PTPRK: variants seen among roughly 807,000 people sequenced by gnomAD.
The protein encoded by PTPRK is protein tyrosine phosphatase receptor type K.
A neutral mutation model predicts 178.0 loss-of-function variants in PTPRK; 75 were observed. The observed-to-expected ratio is 0.42, with a 90% CI of 0.35 to 0.51. PTPRK has a LOEUF of 0.51. Among genes scored for constraint, PTPRK ranks in the 20% least tolerant of loss-of-function variants. The probability of loss-of-function intolerance (pLI) is 0.02; values close to 1 mark genes in which losing one functional copy is unlikely to be tolerated. For missense variants in PTPRK, 1,441 were observed against 1,797.8 expected (o/e 0.80, Z 3.59); for synonymous variants, 637 against 620.6 (o/e 1.03, Z -0.39).
At chr6:128,398,557 A>G (rs1840638489) in intron 1 of PTPRK, among the ~76,000 whole-genome samples, 1 of 152,216 alleles carries the variant, frequency 6.6e-6, no homozygotes, top group Non-Finnish European at 1.5e-5. Flanking sequence ...TCTACAATGC[A>G]AGTTCAAGAA....
chr6:128,462,769 C>T (rs1267268470), intron 1 of PTPRK, among the ~76,000 whole-genome samples: 1 of 151,840 alleles, frequency 6.6e-6, no homozygotes, highest in Non-Finnish European at 1.5e-5. Context: ...GATTCTCCTG[C>T]CTCAGCCTCC....
chr6:128,469,031 A>C (rs374023470), intron 1 of PTPRK, among the ~76,000 whole-genome samples: 1 of 152,128 alleles, frequency 6.6e-6, no homozygotes, highest in African/African-American at 2.4e-5. Context: ...TTTTGAAACG[A>C]AGTATTTAGG....
chr6:128,002,198 T>C (rs890284388), intron 15 of PTPRK, among the ~76,000 whole-genome samples: 2 of 151,712 alleles, frequency 1.3e-5, no homozygotes, highest in Non-Finnish European at 2.9e-5. Context: ...GTTAGTTGTG[T>C]TGTTCCAAAA....
At chr6:128,351,645 G>GCAAA (rs1241694343) in intron 2 of PTPRK, among the ~76,000 whole-genome samples, 1 of 152,004 alleles carries the variant, frequency 6.6e-6, no homozygotes, top group Non-Finnish European at 1.5e-5. Context: ...AACCCTAAGG[G>GCAAA]CAAAAACTTT....
chr6:128,280,442 T>C (rs899452489), intron 3 of PTPRK, among the ~76,000 whole-genome samples: 6 of 152,178 alleles, frequency 3.9e-5, no homozygotes, highest in African/African-American at 1.4e-4. Flanking sequence ...GGAAAGTTTA[T>C]CAAAGAAAAT....
chr6:128,297,435 C>A (rs1824675414), intron 3 of PTPRK, among the ~76,000 whole-genome samples: 1 of 152,124 alleles, frequency 6.6e-6, no homozygotes, highest in South Asian at 2.1e-4. Context: ...TTTTTCAGCA[C>A]CACACCACAT....
intron 3 of PTPRK, among the ~76,000 whole-genome samples, chr6:128,314,792 C>A (rs1216212000): frequency 1.3e-5 from 2 of 151,658 alleles, no homozygotes; most frequent in East Asian, 3.9e-4. Context: ...TAATCCAAAC[C>A]TTTACCCAAT....
intron 8 of PTPRK, 40 bp from the exon 9 acceptor site, chr6:128,083,864 A>G (rs1376777760): frequency 4.4e-6 from 5 of 1,127,126 alleles, no homozygotes; most frequent in Middle Eastern, 2.2e-4. Context: ...AAATGCTTAC[A>G]TTAGAAACAG....
intron 13 of PTPRK, among the ~76,000 whole-genome samples, chr6:128,061,899 A>T (rs1780897491): frequency 6.6e-6 from 1 of 152,104 alleles, no homozygotes. Flanking sequence ...TCCACACACA[A>T]ATTTATAAGA....
At chr6:128,400,403 A>G (rs531571564) in intron 1 of PTPRK, among the ~76,000 whole-genome samples, 1 of 152,214 alleles carries the variant, frequency 6.6e-6, no homozygotes, top group Non-Finnish European at 1.5e-5. Flanking sequence ...TATAATGAGC[A>G]TCCAGAATAC....
At chr6:128,454,475 A>C (rs1848161391) in intron 1 of PTPRK, among the ~76,000 whole-genome samples, 1 of 152,194 alleles carries the variant, frequency 6.6e-6, no homozygotes, top group Non-Finnish European at 1.5e-5. Flanking sequence ...CCTTATTTAA[A>C]AATATTTGTT....
At chr6:128,309,830 T>G (rs950657429) in intron 3 of PTPRK, among the ~76,000 whole-genome samples, 11 of 152,140 alleles carry the variant, frequency 7.2e-5, no homozygotes, top group African/African-American at 2.7e-4. Context: ...AAATTTCCAA[T>G]TCTCCCTGGT....
chr6:127,981,668 A>G (rs1775354839), intron 24 of PTPRK, among the ~76,000 whole-genome samples: 1 of 152,164 alleles, frequency 6.6e-6, no homozygotes, highest in African/African-American at 2.4e-5. Context: ...TTTGAAGATA[A>G]GCTATGGCAT....
At chr6:128,514,432 T>C (rs1266603087) in intron 1 of PTPRK, among the ~76,000 whole-genome samples, 1 of 151,758 alleles carries the variant, frequency 6.6e-6, no homozygotes, top group African/African-American at 2.4e-5. Flanking sequence ...ACTTACATCT[T>C]TCACATTTCC....
At chr6:128,469,018 A>G (rs567869961) in intron 1 of PTPRK, among the ~76,000 whole-genome samples, 1 of 152,056 alleles carries the variant, frequency 6.6e-6, no homozygotes, top group Non-Finnish European at 1.5e-5. Context: ...AAATCTCACA[A>G]TTTTTTGAAA....
intron 3 of PTPRK, among the ~76,000 whole-genome samples, chr6:128,283,850 C>T (rs773736932): frequency 5.9e-5 from 9 of 152,078 alleles, no homozygotes; most frequent in Non-Finnish European, 1.2e-4. Flanking sequence ...TTTTCTTTTG[C>T]ATTGTATTTC....
intron 1 of PTPRK, among the ~76,000 whole-genome samples, chr6:128,471,751 G>C (rs1013807729): frequency 6.6e-6 from 1 of 151,830 alleles, no homozygotes; most frequent in Non-Finnish European, 1.5e-5. Flanking sequence ...TGGCCCAACA[G>C]GTGTATGTGG....
At chr6:128,114,480 C>T (rs1316972964) in intron 7 of PTPRK, among the ~76,000 whole-genome samples, 4 of 151,670 alleles carry the variant, frequency 2.6e-5, no homozygotes, top group Non-Finnish European at 5.9e-5. Context: ...ATTAGCCAAA[C>T]ATGTTGGCAT....
intron 13 of PTPRK, among the ~76,000 whole-genome samples, chr6:128,053,174 AC>A (rs1779325540): frequency 6.6e-5 from 10 of 151,264 alleles, no homozygotes; most frequent in Admixed American, 5.9e-4. Flanking sequence ...ACACACACAC[AC>A]ACACACACCC....
Sources: gnomAD v4.1 joint callset for allele counts (sites outside exome capture counted in the v4.1 genomes callset) on GRCh38, gnomAD v4.1.1 for gene constraint, MANE v1.5 for transcripts, NCBI Gene and HGNC (gene_info 2026-07-23, HGNC 2026-07-21) for gene names.